COG5: variants seen among roughly 807,000 people sequenced by gnomAD.
COG5 encodes component of oligomeric golgi complex 5.
A neutral mutation model predicts 110.4 loss-of-function variants in COG5; 86 were observed. The observed-to-expected ratio is 0.78, with a 90% confidence interval of 0.65 to 0.93. The LOEUF (loss-of-function observed/expected upper bound fraction) is 0.93. COG5 is among the 40% of genes least tolerant of loss of function. The pLI, the probability that COG5 is intolerant of heterozygous loss-of-function variation, is 0.00. For synonymous variants in COG5, 360 were observed against 334.6 expected (o/e 1.08, Z -0.83); for missense variants, 1,077 against 987.0 (o/e 1.09, Z -1.22).
intron 6 of COG5, among the ~76,000 whole-genome samples, chr7:107,466,138 A>G (rs1796282751): frequency 6.6e-6 from 1 of 152,176 alleles, no homozygotes; most frequent in African/African-American, 2.4e-5. Flanking sequence ...AAAATATAAG[A>G]GAAAAACATC....
At chr7:107,345,449 T>C (rs1341826747) in intron 10 of COG5, among the ~76,000 whole-genome samples, 2 of 152,042 alleles carry the variant, frequency 1.3e-5, no homozygotes, top group Admixed American at 6.6e-5. Context: ...ACAATAGAGG[T>C]GAAGCACAAC....
intron 6 of COG5, among the ~76,000 whole-genome samples, chr7:107,465,705 G>T (rs1351016378): frequency 1.3e-5 from 2 of 152,160 alleles, no homozygotes; most frequent in African/African-American, 2.4e-5. Context: ...CTCTTAAAAT[G>T]CATTCATTTT....
At chr7:107,379,111 A>G (rs1210939582) in intron 7 of COG5, among the ~76,000 whole-genome samples, 1 of 152,224 alleles carries the variant, frequency 6.6e-6, no homozygotes, top group Non-Finnish European at 1.5e-5. Flanking sequence ...AGTGGGGGCC[A>G]ACAATAAACA....
chr7:107,479,126 A>G (rs549899647), intron 6 of COG5, among the ~76,000 whole-genome samples: 3 of 152,212 alleles, frequency 2.0e-5, no homozygotes, highest in African/African-American at 7.2e-5. Flanking sequence ...AAATACTATA[A>G]AAGAAGAATA....
intron 14 of COG5, among the ~76,000 whole-genome samples, chr7:107,275,660 A>C (rs1804646737): frequency 6.6e-6 from 1 of 151,830 alleles, no homozygotes; most frequent in South Asian, 2.1e-4. Context: ...GGTTCATGCG[A>C]TTCTCCTGGC....
intron 14 of COG5, among the ~76,000 whole-genome samples, chr7:107,280,996 TTAC>T (rs1805120091): frequency 6.6e-6 from 1 of 151,720 alleles, no homozygotes; most frequent in Non-Finnish European, 1.5e-5. Context: ...TTTATGTAAA[TTAC>T]TAAAATATTT....
intron 6 of COG5, among the ~76,000 whole-genome samples, chr7:107,426,864 T>C (rs1371739227): frequency 6.6e-6 from 1 of 152,198 alleles, no homozygotes; most frequent in Admixed American, 6.5e-5. Flanking sequence ...AATCTTATAA[T>C]AAATCCTTTC....
intron 6 of COG5, among the ~76,000 whole-genome samples, chr7:107,459,799 G>GA (rs34383052): frequency 0.79 from 114,049 of 145,056 alleles, 44,755 homozygotes; most frequent in East Asian, 0.86. Flanking sequence ...CTGGCTCAGG[G>GA]AAAAAAAAAA....
intron 6 of COG5, among the ~76,000 whole-genome samples, chr7:107,512,285 T>G (rs1799577350): frequency 6.6e-6 from 1 of 152,036 alleles, no homozygotes; most frequent in South Asian, 2.1e-4. Flanking sequence ...ATGAGTGAAC[T>G]CCCATTCACA....
At position 107,332,651 on chromosome 7, in the gene COG5, AG is replaced by A. The variant is rs1272059238; in HGVS notation, c.1027-8131del. On this transcript the variant is annotated intron_variant, in intron 10 of 21. Coordinates refer to ENST00000297135, the MANE Select transcript of COG5 (RefSeq NM_006348.5). The stretch of plus-strand genomic sequence containing the variant: ...GAAGGATTTGGCATCTGGGTCACTA[AG>A]GTGCACTGACCAACAAGGTTTCAGT... Among the ~76,000 whole-genome samples, 3 of 152,148 alleles carry A rather than the reference AG, an allele frequency of 2.0e-5. No individual in the cohort carries two copies. In the East Asian group the frequency reaches 5.8e-4, roughly 29 times the overall value.
chr7:107,457,360 GA>G (rs1358060869), intron 6 of COG5, among the ~76,000 whole-genome samples: 3 of 133,568 alleles, frequency 2.2e-5, no homozygotes, highest in Non-Finnish European at 4.8e-5. Context: ...AAGCTATGAG[GA>G]GAAAAAAAAA....
chr7:107,456,791 G>A (rs1795691052), intron 6 of COG5, among the ~76,000 whole-genome samples: 1 of 152,164 alleles, frequency 6.6e-6, no homozygotes, highest in Non-Finnish European at 1.5e-5. Context: ...ACAGGATACT[G>A]CAAAATATTC....
chr7:107,558,652 C>T (rs531221272), intron 1 of COG5, among the ~76,000 whole-genome samples: 130 of 150,422 alleles, frequency 8.6e-4, no homozygotes, highest in Non-Finnish European at 1.4e-3. Context: ...TTTGGGAGGC[C>T]GAGGCAGGTG....
At chr7:107,275,479 T>C (rs941443616) in intron 14 of COG5, among the ~76,000 whole-genome samples, 1 of 151,818 alleles carries the variant, frequency 6.6e-6, no homozygotes, top group Non-Finnish European at 1.5e-5. Context: ...ATTAACAACA[T>C]AAGCTATTAC....
chr7:107,458,871 T>C (rs1795819283), intron 6 of COG5, among the ~76,000 whole-genome samples: 1 of 151,768 alleles, frequency 6.6e-6, no homozygotes, highest in African/African-American at 2.4e-5. Flanking sequence ...TCATGTACAT[T>C]ATATGTATAT....
chr7:107,557,207 A>G (rs1185475014), intron 2 of COG5, among the ~76,000 whole-genome samples: 1 of 152,216 alleles, frequency 6.6e-6, no homozygotes, highest in Non-Finnish European at 1.5e-5. Flanking sequence ...AAAAATGATC[A>G]AGTGGATATG....
intron 7 of COG5, among the ~76,000 whole-genome samples, chr7:107,410,137 A>C (rs1792173287): frequency 6.6e-6 from 1 of 152,156 alleles, no homozygotes; most frequent in Admixed American, 6.5e-5. Flanking sequence ...GTAGAAAGGC[A>C]AGGGTGAAAT....
At position 107,313,835 on chromosome 7, in the gene COG5, T is replaced by C. The variant is rs192410247; in HGVS notation, c.1108+10605A>G. ...CACATCCGCAAAATCCCTCTTGCTA[T>C]GAAGGTAACATAATCACAGATTCTG... On this transcript the variant is annotated intron_variant, in intron 11 of 21. Coordinates refer to ENST00000297135, the MANE Select transcript of COG5 (RefSeq NM_006348.5). Among the ~76,000 whole-genome samples the C allele has an allele frequency of 1.6e-3, 241 of 152,276 alleles. 1 individual carries two copies. The highest frequency in any genetic ancestry group is 2.8e-3 in the Non-Finnish European group (193 of 68,016).
rs1455601403 is a variant in COG5, at chr7:107,248,446, TCC to T, written c.1801_1802del (p.Gly601ArgfsTer26). 13 of 1,610,812 alleles carry T rather than the reference TCC, an allele frequency of 8.1e-6. No individual in the cohort carries two copies. The highest frequency in any genetic ancestry group is 1.0e-5 in the Non-Finnish European group (12 of 1,179,188). On this transcript the variant is annotated frameshift_variant, in exon 17 of 22. Coordinates refer to ENST00000297135, the MANE Select transcript of COG5 (RefSeq NM_006348.5). LOFTEE classifies it high-confidence loss of function. Reference sequence around the variant, plus strand: ...TGATGATTATGGCCTCTATAGCATCTCCCACAGAAGTGAGTAAGGGTTGCACA... The same window carrying T: ...TGATGATTATGGCCTCTATAGCATCTCACAGAAGTGAGTAAGGGTTGCACA... ...NAVQPLLTSV[G>X]DAIEAIIITM...
Sources: gnomAD v4.1 joint callset for allele counts (sites outside exome capture counted in the v4.1 genomes callset) on GRCh38, gnomAD v4.1.1 for gene constraint, MANE v1.5 for transcripts, NCBI Gene and HGNC (gene_info 2026-07-23, HGNC 2026-07-21) for gene names.